PTPRG: variants seen among roughly 807,000 people sequenced by gnomAD.
PTPRG encodes the protein receptor-type tyrosine-protein phosphatase gamma.
Under a neutral mutation model 165.3 loss-of-function variants are expected in PTPRG, and 102 were observed. That is an observed-to-expected ratio of 0.62 (90% CI 0.53 to 0.73). The LOEUF (loss-of-function observed/expected upper bound fraction) is 0.73, where lower values mean the gene tolerates loss of function less well. Ranked by LOEUF, PTPRG falls within the 30% of genes least tolerant of loss-of-function variation. The pLI is 0.00. For missense variants in PTPRG, 1,866 were observed against 1,861.4 expected, an observed-to-expected ratio of 1.00 and a Z score of -0.05; for synonymous variants, 675 against 669.5, an observed-to-expected ratio of 1.01 and a Z score of -0.13.
At position 62,243,682 on chromosome 3, in the gene PTPRG, A is replaced by G. The variant is rs1701216505; in HGVS notation, c.2376-125A>G. The G allele has an allele frequency of 7.1e-6, 4 of 563,082 alleles. No individual in the cohort carries two copies. The South Asian group carries it at 1.1e-4, about 15-fold the overall frequency. 34.9% of individuals were successfully genotyped at this position (563,082 alleles called of 1,614,324 possible). A position where few individuals can be genotyped will look rare whatever the true frequency, so the allele number is the denominator to read the frequency against. On this transcript the variant is annotated intron_variant, in intron 14 of 29. Coordinates refer to ENST00000474889, the MANE Select transcript of PTPRG (RefSeq NM_002841.4). ...TGTCCTTGTATCTTGTTACTTTTACATGAGTTTACCCTCAGTGCTGTGTGA... is the reference window on the plus strand; with the variant it reads ...TGTCCTTGTATCTTGTTACTTTTACGTGAGTTTACCCTCAGTGCTGTGTGA...
At chr3:62,173,166 A>G (rs1396021714) in intron 8 of PTPRG, among the ~76,000 whole-genome samples, 1 of 152,214 alleles carries the variant, frequency 6.6e-6, no homozygotes, top group African/African-American at 2.4e-5. Context: ...ATATTAATAC[A>G]ATGTAAATGC....
chr3:62,211,557 G>A (rs1700359172), intron 12 of PTPRG, among the ~76,000 whole-genome samples: 1 of 152,094 alleles, frequency 6.6e-6, no homozygotes, highest in Non-Finnish European at 1.5e-5. Context: ...TCACAGATGT[G>A]GGAGGTTTTT....
At chr3:61,680,328 G>A (rs376440933) in intron 1 of PTPRG, among the ~76,000 whole-genome samples, 2 of 152,032 alleles carry the variant, frequency 1.3e-5, no homozygotes, top group African/African-American at 2.4e-5. Context: ...AGGTGTGAAA[G>A]GGAGAGGGCC....
chr3:62,260,061 G>C (rs1051330315), intron 16 of PTPRG, among the ~76,000 whole-genome samples: 2 of 152,176 alleles, frequency 1.3e-5, no homozygotes, highest in Admixed American at 1.3e-4. Flanking sequence ...GAGAGTAGGG[G>C]CTGGAAGATG....
intron 1 of PTPRG, among the ~76,000 whole-genome samples, chr3:61,612,882 TGTGTGTGC>T (rs936155004): frequency 1.5e-4 from 21 of 140,952 alleles, no homozygotes; most frequent in African/African-American, 5.5e-4. Context: ...TGTGTGTGTG[TGTGTGTGC>T]GCACTTGTAA....
chr3:61,669,721 T>C (rs921398030), intron 1 of PTPRG, among the ~76,000 whole-genome samples: 1 of 152,218 alleles, frequency 6.6e-6, no homozygotes, highest in Non-Finnish European at 1.5e-5. Context: ...TTTTCTACTA[T>C]GTGTCTTTTA....
At chr3:61,755,318 C>G (rs979513489) in intron 2 of PTPRG, among the ~76,000 whole-genome samples, 3 of 152,120 alleles carry the variant, frequency 2.0e-5, no homozygotes, top group African/African-American at 7.2e-5. Flanking sequence ...CTAATAGAGA[C>G]CTTCTGATCG....
At chr3:62,166,824 G>A (rs1463720832) in intron 7 of PTPRG, among the ~76,000 whole-genome samples, 1 of 151,934 alleles carries the variant, frequency 6.6e-6, no homozygotes, top group Admixed American at 6.6e-5. Flanking sequence ...AAGAAGCTGC[G>A]ACTACAGGCA....
At chr3:62,110,382 G>A (rs574145428) in intron 5 of PTPRG, among the ~76,000 whole-genome samples, 9 of 152,108 alleles carry the variant, frequency 5.9e-5, no homozygotes, top group South Asian at 4.2e-4. Flanking sequence ...TACATCGGAC[G>A]TTCCATAATC....
At chr3:61,972,033 A>C (rs1179454559) in intron 2 of PTPRG, among the ~76,000 whole-genome samples, 4 of 152,268 alleles carry the variant, frequency 2.6e-5, no homozygotes, top group African/African-American at 9.6e-5. Flanking sequence ...TATACGAAAC[A>C]AATAAATGTG....
chr3:61,911,872 A>C (rs1040514918), intron 2 of PTPRG, among the ~76,000 whole-genome samples: 1 of 152,228 alleles, frequency 6.6e-6, no homozygotes, highest in African/African-American at 2.4e-5. Context: ...ATTGAATTTT[A>C]TAATTTCATT....
At chr3:62,250,657 C>G (rs1553658672) in intron 15 of PTPRG, among the ~76,000 whole-genome samples, 1 of 152,184 alleles carries the variant, frequency 6.6e-6, no homozygotes, top group Non-Finnish European at 1.5e-5. Context: ...CGATACATAA[C>G]TGTAGATTTT....
chr3:61,671,698 A>ACT (rs1702994541), intron 1 of PTPRG, among the ~76,000 whole-genome samples: 1 of 147,708 alleles, frequency 6.8e-6, no homozygotes, highest in Admixed American at 6.7e-5. Flanking sequence ...GGGGCTCCTC[A>ACT]CTTCCCAGTA....
chr3:62,004,686 G>T (rs1028950150), intron 4 of PTPRG, among the ~76,000 whole-genome samples: 5 of 152,182 alleles, frequency 3.3e-5, no homozygotes, highest in African/African-American at 1.2e-4. Flanking sequence ...GCGAGCAGCC[G>T]GACCTAGACC....
chr3:61,737,591 G>T (rs1336062771), intron 1 of PTPRG, among the ~76,000 whole-genome samples: 1 of 152,114 alleles, frequency 6.6e-6, no homozygotes, highest in Admixed American at 6.5e-5. Flanking sequence ...GGTTCAAGTG[G>T]TTTCTTCAAC....
chr3:61,997,044 C>T (rs74986672), intron 3 of PTPRG, among the ~76,000 whole-genome samples: 4,330 of 152,278 alleles, frequency 0.028, 65 homozygotes, highest in South Asian at 0.05. Flanking sequence ...CTCCATCTTT[C>T]GTGTCTTATA....
chr3:62,188,919 G>C (rs1173402291), intron 8 of PTPRG, among the ~76,000 whole-genome samples: 3 of 152,120 alleles, frequency 2.0e-5, no homozygotes, highest in African/African-American at 7.2e-5. Flanking sequence ...TGGAACGCTG[G>C]GGGTGTAGCT....
At chr3:61,586,717 T>C (rs1396937552) in intron 1 of PTPRG, among the ~76,000 whole-genome samples, 1 of 152,202 alleles carries the variant, frequency 6.6e-6, no homozygotes, top group Admixed American at 6.5e-5. Context: ...GACACATCCC[T>C]TCGGTCTGGA....
chr3:62,048,805 G>T (rs548547913), intron 4 of PTPRG, among the ~76,000 whole-genome samples: 4 of 152,178 alleles, frequency 2.6e-5, no homozygotes, highest in Non-Finnish European at 5.9e-5. Flanking sequence ...CTGTAAAGGT[G>T]AACATATTCT....
Sources: allele counts gnomAD v4.1 joint callset (sites outside exome capture counted in the v4.1 genomes callset), GRCh38; gene constraint gnomAD v4.1.1; transcripts MANE v1.5; gene names NCBI Gene and HGNC (gene_info 2026-07-23, HGNC 2026-07-21).